TXNIP: variants seen among roughly 807,000 people sequenced by gnomAD.
The protein encoded by TXNIP is thioredoxin-interacting protein.
In TXNIP, 23 loss-of-function variants were observed where a neutral mutation model predicts 43.9. The ratio of observed to expected loss-of-function variants is 0.52; its 90% CI spans 0.38 to 0.74. The LOEUF (loss-of-function observed/expected upper bound fraction) is 0.74, where lower values mean the gene tolerates loss of function less well. Among genes scored for constraint, TXNIP ranks in the 30% least tolerant of loss-of-function variants. TXNIP has a pLI of 0.00. For synonymous variants in TXNIP, 234 were observed against 172.2 expected (o/e 1.36, Z -2.81); for missense variants, 555 against 485.4 (o/e 1.14, Z -1.35).
chr1:145,996,517 A>C lies in TXNIP; in HGVS notation c.-251T>G. 3 of 383,434 alleles carry C rather than the reference A, an allele frequency of 7.8e-6. No homozygotes were observed. Among genetic ancestry groups the C allele is most frequent in the Non-Finnish European group, 1.4e-5 (3 of 210,544 alleles). The allele number at this position is 383,434 out of a possible 1,614,324, so 23.8% of individuals were successfully genotyped here. ...TCAGAGAAAAAGCCTTCTTTCCCCCAATTGCTGGAGAAAAGATCCGATCTC... is the reference window on the plus strand; with the variant it reads ...TCAGAGAAAAAGCCTTCTTTCCCCCCATTGCTGGAGAAAAGATCCGATCTC... On this transcript the variant is annotated 5_prime_UTR_variant, in exon 1 of 8. It adds an upstream start codon to the 5' untranslated region. Coordinates refer to ENST00000582401, the MANE Select transcript of TXNIP (RefSeq NM_006472.6).
Position 145,994,032 on chromosome 1 carries a change from G to A in TXNIP, c.1124C>T (p.Pro375Leu), listed in dbSNP as rs1553765867. The change falls in exon 7 of 8, where the codon CCA (proline) becomes CTA (leucine). Residue 375 changes from proline (P) to leucine (L), a missense_variant. Transcript: ENST00000582401. ...MYAPEFKFMP[P>L]PTYTEVDPCI... Reference sequence around the variant, plus strand: ...AATCCTCACCTCAGTATAAGTCGGTGGTGGCATGAACTTGAACTCAGGGGC... The same window carrying A: ...AATCCTCACCTCAGTATAAGTCGGTAGTGGCATGAACTTGAACTCAGGGGC... The A allele has an allele frequency of 6.2e-7, 1 of 1,614,056 alleles. No homozygotes were observed. The highest frequency in any genetic ancestry group is 8.5e-7 in the Non-Finnish European group (1 of 1,180,028).
rs1373682036 is a variant in TXNIP at position 145,994,040 on chromosome 1, G to C, written c.1116C>G (p.Phe372Leu). The part of the protein sequence containing the change: ...PIFMYAPEFK[F>L]MPPPTYTEVD... ...CCTCAGTATAAGTCGGTGGTGGCAT[G>C]AACTTGAACTCAGGGGCATACATAA... The change falls in exon 7 of 8, where the codon TTC becomes TTG. Residue 372 changes from phenylalanine to leucine, a missense_variant. Transcript: ENST00000582401. 6.2e-7 allele frequency: 1 copy of C among 1,614,164 alleles called. No homozygotes were observed. Among genetic ancestry groups the C allele is most frequent in the East Asian group, 2.2e-5 (1 of 44,882 alleles).
Position 145,994,183 on chromosome 1 carries a change from T to G in TXNIP, c.989-16A>C, listed in dbSNP as rs367828499. The G allele has an allele frequency of 1.4e-5, 22 of 1,613,880 alleles. No homozygotes were observed. The highest frequency in any genetic ancestry group is 1.8e-5 in the Non-Finnish European group (21 of 1,179,870). The stretch of plus-strand genomic sequence containing the variant: ...CAGGGAGGAGCTAGAAAAGAAAATA[T>G]GGCCACATAAGAATCCTGCCCAAGA... On this transcript the variant is annotated splice_polypyrimidine_tract_variant and intron_variant, in intron 6 of 7. Transcript: ENST00000582401.
At chr1:145,995,802 C>T (rs1651487225) in intron 1 of TXNIP, 1 of 665,590 alleles carries the variant, frequency 1.5e-6, no homozygotes, top group Non-Finnish European at 2.5e-6. Context: ...CTCAGGATCC[C>T]CTTTAGGACA....
At chr1:145,994,498 A>T in intron 5 of TXNIP, 46 bp downstream of exon 5, 1 of 1,613,376 alleles carries the variant, frequency 6.2e-7, no homozygotes, top group Non-Finnish European at 8.5e-7. Context: ...CAGCTGTGGT[A>T]ACAGATGAAC....
Position 145,994,524 on chromosome 1 carries a change from G to A in TXNIP, c.831+20C>T. 2 of 1,613,842 alleles carry A rather than the reference G, an allele frequency of 1.2e-6. No individual in the cohort carries two copies. Among genetic ancestry groups the A allele is most frequent in the Non-Finnish European group, 1.7e-6 (2 of 1,179,842 alleles). ...ACAGATGAACAATTTCTCTGCTGAA[G>A]CCACCCTGCATCTACCCACCAGTAA... On this transcript the variant is annotated intron_variant, in intron 5 of 7. Transcript: ENST00000582401.
chr1:145,995,863 G>C, intron 1 of TXNIP, 154 bp downstream of exon 1: 1 of 937,812 alleles, frequency 1.1e-6, no homozygotes, highest in South Asian at 1.8e-5. Context: ...GGGGGGAGGA[G>C]AATGTCTGCA....
At chr1:145,994,834 T>C in intron 4 of TXNIP, 34 bp from the exon 5 acceptor site, 1 of 1,613,664 alleles carries the variant, frequency 6.2e-7, no homozygotes, top group Non-Finnish European at 8.5e-7. Context: ...TTACTGATAC[T>C]CAGTATAGTT....
Position 145,996,187 on chromosome 1 carries a change from A to G in TXNIP, c.80T>C (p.Val27Ala). 1 of 1,614,032 alleles carries G rather than the reference A, an allele frequency of 6.2e-7. No homozygotes were observed. Among genetic ancestry groups the G allele is most frequent in the Non-Finnish European group, 8.5e-7 (1 of 1,180,016 alleles). Residue 27 changes from valine to alanine, a missense_variant, in exon 1 of 8, where the codon GTG becomes GCG. Physicochemically the swap from Val to Ala is moderately conservative, Grantham distance 64. Coordinates refer to ENST00000582401, the MANE Select transcript of TXNIP (RefSeq NM_006472.6). ...CACCTCCACTATCACCCGGCCAGCCACCTTCTCGCCACTGCCGTACACCTT... is the reference window on the plus strand; with the variant it reads ...CACCTCCACTATCACCCGGCCAGCCGCCTTCTCGCCACTGCCGTACACCTT... The part of the protein sequence containing the change: ...PEKVYGSGEK[V>A]AGRVIVEVCE...
Sources: gnomAD v4.1 joint callset for allele counts on GRCh38, gnomAD v4.1.1 for gene constraint, MANE v1.5 for transcripts, NCBI Gene and HGNC (gene_info 2026-07-23, HGNC 2026-07-21) for gene names.